The following DISP1 variants were observed in gnomAD, a reference collection of about 807,000 sequenced individuals.
The protein encoded by DISP1 is protein dispatched homolog 1.
A neutral mutation model predicts 37.3 loss-of-function variants in DISP1; 30 were observed. The ratio of observed to expected loss-of-function variants is 0.80; its 90% CI spans 0.60 to 1.09. The LOEUF is 1.09. DISP1 is among the 50% of genes least tolerant of loss of function. DISP1 has a pLI of 0.00. For missense variants in DISP1, 1,598 were observed against 1,879.5 expected (o/e 0.85, Z 2.77); for synonymous variants, 634 against 690.2 (o/e 0.92, Z 1.28).
intron 1 of DISP1, among the ~76,000 whole-genome samples, chr1:222,854,828 G>A (rs1216463669): frequency 6.6e-6 from 1 of 151,788 alleles, no homozygotes; most frequent in African/African-American, 2.4e-5. Flanking sequence ...GAGATAAATG[G>A]GTATACCTAA....
intron 1 of DISP1, chr1:222,837,204 C>T (rs1667266997): frequency 2.5e-6 from 1 of 393,428 alleles, no homozygotes; most frequent in Non-Finnish European, 4.5e-6. Flanking sequence ...TTCTCTTTGG[C>T]TGGGAAATGA....
intron 3 of DISP1, among the ~76,000 whole-genome samples, chr1:222,977,860 T>C (rs975755568): frequency 4.6e-4 from 70 of 152,238 alleles, no homozygotes; most frequent in African/African-American, 1.6e-3. Flanking sequence ...ACAAAGGACA[T>C]GAACTCATCA....
intron 8 of DISP1, among the ~76,000 whole-genome samples, chr1:222,996,719 T>G (rs1999987): frequency 0.98 from 149,014 of 152,254 alleles, 72,998 homozygotes; most frequent in East Asian, 1. Context: ...GTTCACATCT[T>G]TGGTCAGGGG....
chr1:222,933,148 A>G (rs1470243808), intron 2 of DISP1, among the ~76,000 whole-genome samples: 1 of 151,948 alleles, frequency 6.6e-6, no homozygotes, highest in Non-Finnish European at 1.5e-5. Flanking sequence ...TATGGCAGAT[A>G]TACTGCAATA....
chr1:222,902,635 G>T (rs1190635730), intron 1 of DISP1, among the ~76,000 whole-genome samples: 1 of 152,080 alleles, frequency 6.6e-6, no homozygotes, highest in Non-Finnish European at 1.5e-5. Flanking sequence ...AAAAAAGTGG[G>T]CAAAGGATAT....
chr1:222,929,387 CAG>C (rs1673257861), intron 2 of DISP1, among the ~76,000 whole-genome samples: 1 of 151,940 alleles, frequency 6.6e-6, no homozygotes, highest in Non-Finnish European at 1.5e-5. Context: ...AAAAATTAAA[CAG>C]AGAAATTTAG....
chr1:222,845,363 A>C (rs1380584359), intron 1 of DISP1, among the ~76,000 whole-genome samples: 1 of 152,208 alleles, frequency 6.6e-6, no homozygotes, highest in Non-Finnish European at 1.5e-5. Context: ...ATATAATCTA[A>C]TGATTTATAT....
intron 1 of DISP1, among the ~76,000 whole-genome samples, chr1:222,852,743 C>T (rs190737204): frequency 6.6e-6 from 1 of 152,284 alleles, no homozygotes; most frequent in East Asian, 1.9e-4. Flanking sequence ...CTTGGCTCTC[C>T]TGGGGAATAA....
intron 4 of DISP1, among the ~76,000 whole-genome samples, chr1:222,987,173 C>A (rs961776499): frequency 2.0e-5 from 3 of 151,992 alleles, no homozygotes; most frequent in Admixed American, 6.6e-5. Context: ...ATATTACAAC[C>A]ATTGTCTGGA....
chr1:222,995,027 G>A lies in DISP1; in HGVS notation c.987+45G>A, dbSNP rs745710656. ...AAATCTCCTTAGCACAAATAAGGTT[G>A]TATTATTGAAACTCCTTTTACTGCT... On this transcript the variant is annotated intron_variant, in intron 8 of 8. Coordinates refer to ENST00000675850, the MANE Select transcript of DISP1 (RefSeq NM_001377229.1). 5 of 1,472,274 alleles carry A rather than the reference G, an allele frequency of 3.4e-6. No individual in the cohort carries two copies. In the Admixed American group the frequency reaches 8.4e-5, roughly 25 times the overall value. 91.2% of individuals were successfully genotyped at this position (1,472,274 alleles called of 1,614,324 possible).
At chr1:222,845,136 G>C (rs1054614150) in intron 1 of DISP1, among the ~76,000 whole-genome samples, 1 of 152,154 alleles carries the variant, frequency 6.6e-6, no homozygotes, top group African/African-American at 2.4e-5. Flanking sequence ...CGCAGTTGCA[G>C]TTTTTGCCAT....
chr1:222,982,210 A>G (rs544920724), intron 3 of DISP1, among the ~76,000 whole-genome samples: 40 of 152,360 alleles, frequency 2.6e-4, no homozygotes, highest in African/African-American at 8.2e-4. Context: ...ATCTATGGCA[A>G]TATGCCATTT....
intron 1 of DISP1, among the ~76,000 whole-genome samples, chr1:222,875,445 T>C (rs982414406): frequency 6.6e-6 from 1 of 152,012 alleles, no homozygotes; most frequent in African/African-American, 2.4e-5. Context: ...TTATTTTGGC[T>C]TTTTTCCCCC....
At chr1:222,950,575 C>T (rs142307577) in intron 3 of DISP1, among the ~76,000 whole-genome samples, 13 of 150,856 alleles carry the variant, frequency 8.6e-5, no homozygotes, top group South Asian at 4.2e-4. Context: ...ACTCCGGCCT[C>T]GAGGACAGAG....
chr1:222,909,501 T>C (rs1248500307), intron 1 of DISP1, among the ~76,000 whole-genome samples: 1 of 152,200 alleles, frequency 6.6e-6, no homozygotes, highest in Non-Finnish European at 1.5e-5. Context: ...TTACTTGAAC[T>C]TATCATGTAA....
chr1:222,858,510 C>T (rs1668681516), intron 1 of DISP1, among the ~76,000 whole-genome samples: 1 of 151,908 alleles, frequency 6.6e-6, no homozygotes, highest in South Asian at 2.1e-4. Flanking sequence ...AGCTTTTGCA[C>T]AGCAAAAGAA....
chr1:222,892,687 C>T (rs925559306), intron 1 of DISP1, among the ~76,000 whole-genome samples: 2 of 152,142 alleles, frequency 1.3e-5, no homozygotes, highest in African/African-American at 2.4e-5. Flanking sequence ...CACAGTGTGG[C>T]TATGGAACAC....
chr1:222,852,916 C>CA (rs201566043), intron 1 of DISP1, among the ~76,000 whole-genome samples: 4,155 of 151,926 alleles, frequency 0.027, 87 homozygotes, highest in Middle Eastern at 0.062. Context: ...TCTGGGTGTA[C>CA]AATAGTGAGT....
intron 2 of DISP1, among the ~76,000 whole-genome samples, chr1:222,936,539 CTCTATA>C (rs1558338948): frequency 3.3e-5 from 4 of 122,450 alleles, no homozygotes; most frequent in Admixed American, 2.8e-4. Context: ...CTCTCTCTCT[CTCTATA>C]TATATATATA....
Sources: allele counts gnomAD v4.1 joint callset (sites outside exome capture counted in the v4.1 genomes callset), GRCh38; gene constraint gnomAD v4.1.1; transcripts MANE v1.5; gene names NCBI Gene and HGNC (gene_info 2026-07-23, HGNC 2026-07-21).